The following CSTPP1 variants were observed in gnomAD, a reference collection of about 807,000 sequenced individuals.
CSTPP1 encodes the protein centriolar satellite-associated tubulin polyglutamylase complex regulator 1.
the CSTPP1 span, among the ~76,000 whole-genome samples, chr11:47,013,555 C>T: frequency 1.3e-5 from 2 of 152,256 alleles, no homozygotes; most frequent in Admixed American, 1.3e-4. Context: ...CAGCTCCATC[C>T]ATGTCCCTGC....
the CSTPP1 span, among the ~76,000 whole-genome samples, chr11:47,055,213 G>A: frequency 1.3e-5 from 2 of 152,166 alleles, no homozygotes; most frequent in South Asian, 2.1e-4. Context: ...GGTTATAGGC[G>A]TGGGCTACCA....
chr11:47,106,603 A>G, the CSTPP1 span, among the ~76,000 whole-genome samples: 1 of 151,840 alleles, frequency 6.6e-6, no homozygotes, highest in Non-Finnish European at 1.5e-5. Context: ...AGATCACACC[A>G]CTGCACTCCA....
chr11:47,050,563 T>G, the CSTPP1 span, among the ~76,000 whole-genome samples: 1 of 152,208 alleles, frequency 6.6e-6, no homozygotes, highest in Non-Finnish European at 1.5e-5. Context: ...CTTTAAAAGC[T>G]ATACCAAAGC....
chr11:47,007,891 C>T, the CSTPP1 span, among the ~76,000 whole-genome samples: 62 of 152,256 alleles, frequency 4.1e-4, 3 homozygotes, highest in African/African-American at 1.4e-3. Flanking sequence ...TTCAGTATAG[C>T]TCTGAGGAGT....
At chr11:47,036,098 AT>A in the CSTPP1 span, among the ~76,000 whole-genome samples, 3 of 12,472 alleles carry the variant, frequency 2.4e-4, 1 homozygote, top group East Asian at 8.8e-4. Context: ...TATATTATAT[AT>A]TATATATTAT....
the CSTPP1 span, among the ~76,000 whole-genome samples, chr11:47,111,034 C>T: frequency 6.6e-6 from 1 of 151,948 alleles, no homozygotes; most frequent in Non-Finnish European, 1.5e-5. Flanking sequence ...GGACTACAGG[C>T]GCCCGTCACC....
chr11:47,007,515 C>A, the CSTPP1 span, among the ~76,000 whole-genome samples: 2 of 151,928 alleles, frequency 1.3e-5, no homozygotes, highest in South Asian at 2.1e-4. Flanking sequence ...CTTGCTAAAT[C>A]TTGTCTTTCA....
chr11:46,980,945 TACTC>T, the CSTPP1 span, among the ~76,000 whole-genome samples: 1 of 152,198 alleles, frequency 6.6e-6, no homozygotes, highest in East Asian at 1.9e-4. Flanking sequence ...TGAAAATAGA[TACTC>T]ATACAGCTGG....
the CSTPP1 span, among the ~76,000 whole-genome samples, chr11:46,938,713 C>A: frequency 6.8e-6 from 1 of 147,942 alleles, no homozygotes. Flanking sequence ...TAACTCATTT[C>A]TTTTTATTTC....
At chr11:47,009,585 T>C in the CSTPP1 span, among the ~76,000 whole-genome samples, 1 of 151,986 alleles carries the variant, frequency 6.6e-6, no homozygotes, top group African/African-American at 2.4e-5. Flanking sequence ...TCAGCTGGGG[T>C]CAGGAGCTCG....
chr11:47,138,794 A>AT, the CSTPP1 span, among the ~76,000 whole-genome samples: 3 of 152,244 alleles, frequency 2.0e-5, no homozygotes, highest in Admixed American at 2.0e-4. Context: ...CCTGGCCTAC[A>AT]TGGCGAAACT....
At chr11:46,991,254 A>C in the CSTPP1 span, among the ~76,000 whole-genome samples, 1 of 142,594 alleles carries the variant, frequency 7.0e-6, no homozygotes, top group African/African-American at 2.6e-5. Context: ...TCAGACAGCT[A>C]TTCAAATGGC....
At chr11:47,044,203 G>C in the CSTPP1 span, among the ~76,000 whole-genome samples, 1 of 152,024 alleles carries the variant, frequency 6.6e-6, no homozygotes, top group African/African-American at 2.4e-5. Context: ...TGGCCAGGCT[G>C]GTCACAAATT....
the CSTPP1 span, chr11:46,948,252 C>A: frequency 2.4e-6 from 1 of 424,504 alleles, no homozygotes; most frequent in Middle Eastern, 3.5e-4. Flanking sequence ...GTGTGGAGTT[C>A]TTTCCAACTT....
At chr11:47,106,341 AGGAT>A in the CSTPP1 span, among the ~76,000 whole-genome samples, 2 of 152,226 alleles carry the variant, frequency 1.3e-5, no homozygotes, top group Admixed American at 1.3e-4. Context: ...TTCTAGTGAA[AGGAT>A]GAAAGTGAAA....
the CSTPP1 span, among the ~76,000 whole-genome samples, chr11:47,050,072 A>G: frequency 3.9e-5 from 6 of 152,234 alleles, no homozygotes; most frequent in Non-Finnish European, 8.8e-5. Flanking sequence ...AGAGATATAC[A>G]TAAACAAAAT....
chr11:46,954,492 T>C, the CSTPP1 span, among the ~76,000 whole-genome samples: 28 of 152,020 alleles, frequency 1.8e-4, no homozygotes, highest in African/African-American at 6.0e-4. Flanking sequence ...GAGGTGGCAG[T>C]GAGCCGAGAT....
the CSTPP1 span, among the ~76,000 whole-genome samples, chr11:47,043,840 T>C: frequency 8.5e-5 from 13 of 152,200 alleles, no homozygotes; most frequent in South Asian, 2.7e-3. Flanking sequence ...ATCCTGTCTC[T>C]AGATATAAAA....
chr11:46,961,559 G>A, the CSTPP1 span, among the ~76,000 whole-genome samples: 1 of 152,106 alleles, frequency 6.6e-6, no homozygotes, highest in Admixed American at 6.6e-5. Context: ...GTGTCCTTTG[G>A]AGTACAGTTT....
Sources: allele counts gnomAD v4.1 joint callset (sites outside exome capture counted in the v4.1 genomes callset), GRCh38; gene constraint gnomAD v4.1.1; transcripts MANE v1.5; gene names NCBI Gene and HGNC (gene_info 2026-07-23, HGNC 2026-07-21).